The following GGNBP2 variants were observed in gnomAD, a reference collection of about 807,000 sequenced individuals.
GGNBP2 encodes gametogenetin-binding protein 2.
In GGNBP2, 10 loss-of-function variants were observed where a neutral mutation model predicts 85.9. The observed-to-expected ratio is 0.12, with a 90% CI of 0.07 to 0.20. GGNBP2 has a LOEUF of 0.20. Ranked by LOEUF, GGNBP2 falls within the 10% of genes least tolerant of loss-of-function variation. The pLI is 1.00. For synonymous variants in GGNBP2, 287 were observed against 285.7 expected (o/e 1.00, Z -0.05); for missense variants, 595 against 857.8 (o/e 0.69, Z 3.83).
intron 6 of GGNBP2, among the ~76,000 whole-genome samples, chr17:36,571,147 T>G (rs2074520090): frequency 6.6e-6 from 1 of 152,184 alleles, no homozygotes; most frequent in Non-Finnish European, 1.5e-5. Context: ...TAAGGGTTTT[T>G]TAAGGCTGGG....
chr17:36,574,702 C>T, intron 6 of GGNBP2: 1 of 633,480 alleles, frequency 1.6e-6, no homozygotes, highest in Non-Finnish European at 2.8e-6. Context: ...CCATCATAAG[C>T]AGCTTCTTGG....
chr17:36,568,688 T>C (rs1018657166), intron 6 of GGNBP2, among the ~76,000 whole-genome samples: 3 of 152,190 alleles, frequency 2.0e-5, no homozygotes, highest in Admixed American at 6.5e-5. Context: ...AGAGTTGATA[T>C]TCATGTGTTT....
At chr17:36,565,115 C>T (rs181581595) in intron 5 of GGNBP2, among the ~76,000 whole-genome samples, 2 of 152,092 alleles carry the variant, frequency 1.3e-5, no homozygotes, top group African/African-American at 2.4e-5. Flanking sequence ...GGTGTAAAAG[C>T]GTTCCAAGGA....
chr17:36,545,159 C>G (rs1214099465), intron 1 of GGNBP2, 62 bp downstream of exon 1: 1 of 153,476 alleles, frequency 6.5e-6, no homozygotes, highest in Admixed American at 6.5e-5. Flanking sequence ...CGGGGTCGAT[C>G]CCTCCCAGGG....
At chr17:36,545,266 G>A (rs1028192968) in intron 1 of GGNBP2, among the ~76,000 whole-genome samples, 169 bp downstream of exon 1, 2 of 152,078 alleles carry the variant, frequency 1.3e-5, no homozygotes, top group African/African-American at 4.8e-5. Flanking sequence ...AGGGCACCCG[G>A]GCGGCGGGCG....
At chr17:36,575,854 C>T (rs1237418079) in intron 6 of GGNBP2, among the ~76,000 whole-genome samples, 1 of 147,800 alleles carries the variant, frequency 6.8e-6, no homozygotes, top group Non-Finnish European at 1.5e-5. Flanking sequence ...ACCATGTTGG[C>T]CAGGCTGATC....
At chr17:36,549,747 ATTAT>A (rs1439949974) in intron 2 of GGNBP2, among the ~76,000 whole-genome samples, 1 of 152,082 alleles carries the variant, frequency 6.6e-6, no homozygotes, top group Non-Finnish European at 1.5e-5. Context: ...ACATTCTGTA[ATTAT>A]TTTTCCACTG....
Position 36,578,217 on chromosome 17 carries a change from A to G in GGNBP2, c.845+31A>G, listed in dbSNP as rs530836206. 5 of 1,514,158 alleles carry G rather than the reference A, an allele frequency of 3.3e-6. No individual in the cohort carries two copies. In the Admixed American group the frequency reaches 7.6e-5, roughly 23 times the overall value. 93.8% of individuals were successfully genotyped at this position (1,514,158 alleles called of 1,614,324 possible). On this transcript the variant is annotated intron_variant, in intron 7 of 13. Transcript: ENST00000613102. The stretch of plus-strand genomic sequence containing the variant: ...AGTATGTAATTTGCTAGAATGGGCT[A>G]TCTAGCGCTTTGCTTCATTTTATTA...
rs139712985 is a variant in GGNBP2 at position 36,580,444 on chromosome 17, C to T, written c.1021-900C>T. 1.3e-3 allele frequency among the ~76,000 whole-genome samples: 196 copies of T among 151,760 alleles called. 4 individuals are homozygous for T. In the East Asian group the frequency reaches 0.033, roughly 26 times the overall value. On this transcript the variant is annotated intron_variant, in intron 8 of 13. Transcript: ENST00000613102. ...TAGGATGGTCTCAATCTCCTGACCTCGTGATCCGCTGCCTGCCTTGGCCTC... is the reference window on the plus strand; with the variant it reads ...TAGGATGGTCTCAATCTCCTGACCTTGTGATCCGCTGCCTGCCTTGGCCTC...
chr17:36,562,551 G>A (rs2074427975), intron 5 of GGNBP2, among the ~76,000 whole-genome samples: 1 of 147,114 alleles, frequency 6.8e-6, no homozygotes, highest in East Asian at 2.0e-4. Flanking sequence ...CTGAACTTCC[G>A]AGTTACACCA....
In GGNBP2 at chr17:36,582,737, T is replaced by C. The variant is rs572709849; in HGVS notation, c.1215+1199T>C. ...CTCTTTACCTGACTTTAATGTATTA[T>C]TAGATCAAAGTCAAAATATAGAAAG... is the stretch of plus-strand genomic sequence containing the variant. On this transcript the variant is annotated intron_variant, in intron 9 of 13. Transcript: ENST00000613102. Among the ~76,000 whole-genome samples the C allele has an allele frequency of 2.6e-5, 4 of 152,334 alleles. No homozygotes were observed. The South Asian group carries it at 8.3e-4, about 32-fold the overall frequency.
At chr17:36,561,365 C>T (rs913718129) in intron 5 of GGNBP2, among the ~76,000 whole-genome samples, 1 of 152,040 alleles carries the variant, frequency 6.6e-6, no homozygotes, top group South Asian at 2.1e-4. Context: ...CTCAGGTGAT[C>T]GCCCACCTCA....
chr17:36,551,585 T>G (rs2074309296), intron 2 of GGNBP2, among the ~76,000 whole-genome samples: 1 of 151,878 alleles, frequency 6.6e-6, no homozygotes, highest in Admixed American at 6.6e-5. Context: ...GGCTCATGCC[T>G]GTAATCCCAG....
intron 6 of GGNBP2, among the ~76,000 whole-genome samples, chr17:36,571,279 TG>T (rs1474352161): frequency 6.6e-6 from 1 of 152,002 alleles, no homozygotes; most frequent in Non-Finnish European, 1.5e-5. Flanking sequence ...AGGCTGAGTG[TG>T]GTGGCTCACT....
In GGNBP2 at chr17:36,553,949, G is replaced by A. The variant is rs2142695920; in HGVS notation, c.94-871G>A. Among the ~76,000 whole-genome samples the A allele has an allele frequency of 2.0e-5, 3 of 152,178 alleles. No individual in the cohort carries two copies. The South Asian group carries it at 6.2e-4, about 32-fold the overall frequency. On this transcript the variant is annotated intron_variant, in intron 2 of 13. Coordinates refer to ENST00000613102, the MANE Select transcript of GGNBP2 (RefSeq NM_024835.5). ...CCTTAAGTTTCATATGCCTTCCTATGGTAGTGAATTTTGATAATTGAATAA... is the reference window on the plus strand; with the variant it reads ...CCTTAAGTTTCATATGCCTTCCTATAGTAGTGAATTTTGATAATTGAATAA...
intron 1 of GGNBP2, 199 bp from the exon 2 acceptor site, chr17:36,545,420 C>A (rs1599487404): frequency 5.2e-6 from 1 of 194,000 alleles, no homozygotes; most frequent in East Asian, 5.7e-5. Context: ...GGCGGGCGGG[C>A]GGGAGAGAGG....
intron 5 of GGNBP2, among the ~76,000 whole-genome samples, chr17:36,561,579 G>A (rs8079530): frequency 0.071 from 10,872 of 152,092 alleles, 666 homozygotes; most frequent in African/African-American, 0.16. Context: ...TAGTTATGAC[G>A]ATATTATGAC....
chr17:36,574,627 C>A, intron 6 of GGNBP2: 1 of 579,910 alleles, frequency 1.7e-6, no homozygotes, highest in South Asian at 2.1e-5. Context: ...CAAAGGTGTC[C>A]TTGGTATAGT....
Position 36,578,045 on chromosome 17 carries a change from A to C in GGNBP2, c.704A>C (p.Asp235Ala). 1.9e-6 allele frequency: 3 copies of C among 1,614,172 alleles called. No homozygotes were observed. The highest frequency in any genetic ancestry group is 2.5e-6 in the Non-Finnish European group (3 of 1,180,034). Reference sequence around the variant, plus strand: ...TACAATATCCTTATTGGTGAACTTGACTGCAGCAAAGAAAAGGGCTACTGT... The same window carrying C: ...TACAATATCCTTATTGGTGAACTTGCCTGCAGCAAAGAAAAGGGCTACTGT... ...RAYNILIGEL[D>A]CSKEKGYCAA... The change falls in exon 7 of 14, where the codon GAC becomes GCC. Residue 235 changes from aspartate to alanine, a missense_variant. Physicochemically the swap from Asp to Ala is moderately radical, Grantham distance 126. Coordinates refer to ENST00000613102, the MANE Select transcript of GGNBP2 (RefSeq NM_024835.5).
Sources: gnomAD v4.1 joint callset for allele counts (sites outside exome capture counted in the v4.1 genomes callset) on GRCh38, gnomAD v4.1.1 for gene constraint, MANE v1.5 for transcripts, NCBI Gene and HGNC (gene_info 2026-07-23, HGNC 2026-07-21) for gene names.